Variants in SND1 observed in about 807,000 individuals in gnomAD.
The protein encoded by SND1 is staphylococcal nuclease domain-containing protein 1.
Under a neutral mutation model 121.7 loss-of-function variants are expected in SND1, and 38 were observed. The ratio of observed to expected loss-of-function variants is 0.31; its 90% CI spans 0.24 to 0.41. The LOEUF is 0.41. SND1 is among the 10% of genes least tolerant of loss of function. The probability of loss-of-function intolerance (pLI) is 1.00; values close to 1 mark genes in which losing one functional copy is unlikely to be tolerated. For synonymous variants in SND1, 401 were observed against 447.4 expected, an observed-to-expected ratio of 0.90 and a Z score of 1.31; for missense variants, 868 against 1,184.6, an observed-to-expected ratio of 0.73 and a Z score of 3.92.
At position 127,807,593 on chromosome 7, in the gene SND1, A is replaced by G. The variant is rs764984763; in HGVS notation, c.1242+20A>G. Reference sequence around the variant, plus strand: ...AAGAAGGTAAGTAATTGATGACAGAAGCATATTTGCAAGTGGTTGGGCTTA... The same window carrying G: ...AAGAAGGTAAGTAATTGATGACAGAGGCATATTTGCAAGTGGTTGGGCTTA... On this transcript the variant is annotated intron_variant, in intron 11 of 23. Coordinates refer to ENST00000354725, the MANE Select transcript of SND1 (RefSeq NM_014390.4). 23 of 1,592,344 alleles carry G rather than the reference A, an allele frequency of 1.4e-5. No homozygotes were observed. Among genetic ancestry groups the G allele is most frequent in the African/African-American group, 4.0e-5 (3 of 74,494 alleles).
chr7:127,952,184 G>A (rs151044949), intron 15 of SND1, among the ~76,000 whole-genome samples: 10 of 152,320 alleles, frequency 6.6e-5, no homozygotes, highest in South Asian at 2.1e-4. Flanking sequence ...TGTTGAATAA[G>A]TGGAAATTTC....
At chr7:127,889,582 C>G (rs1799972537) in intron 13 of SND1, among the ~76,000 whole-genome samples, 1 of 151,944 alleles carries the variant, frequency 6.6e-6, no homozygotes, top group Non-Finnish European at 1.5e-5. Context: ...TATAGTGACC[C>G]TGCTGTGTAA....
At chr7:127,831,156 T>C (rs1375969260) in intron 11 of SND1, among the ~76,000 whole-genome samples, 1 of 152,176 alleles carries the variant, frequency 6.6e-6, no homozygotes, top group African/African-American at 2.4e-5. Flanking sequence ...GAAGTCTGGG[T>C]TCCTTTTCTA....
At chr7:128,043,019 G>C (rs1792881877) in intron 16 of SND1, among the ~76,000 whole-genome samples, 1 of 152,130 alleles carries the variant, frequency 6.6e-6, no homozygotes, top group Admixed American at 6.5e-5. Context: ...ACTTTCTAAG[G>C]GCTCACGCAT....
chr7:127,985,554 G>A (rs370683823), intron 15 of SND1, among the ~76,000 whole-genome samples: 47 of 152,300 alleles, frequency 3.1e-4, no homozygotes, highest in African/African-American at 1.0e-3. Flanking sequence ...CACTGTGCCC[G>A]GCCATGTACT....
chr7:128,079,253 C>T (rs1310483055), intron 17 of SND1, among the ~76,000 whole-genome samples: 1 of 152,232 alleles, frequency 6.6e-6, no homozygotes, highest in Admixed American at 6.5e-5. Flanking sequence ...TCTCTCCTGG[C>T]CCTTTCACAG....
intron 16 of SND1, among the ~76,000 whole-genome samples, chr7:128,012,822 G>T (rs948784173): frequency 2.6e-5 from 4 of 152,116 alleles, no homozygotes; most frequent in African/African-American, 9.7e-5. Flanking sequence ...GGGGGGTTTT[G>T]TGATTTACAC....
At chr7:127,806,556 A>G (rs1798242598) in intron 10 of SND1, among the ~76,000 whole-genome samples, 1 of 152,208 alleles carries the variant, frequency 6.6e-6, no homozygotes, top group Non-Finnish European at 1.5e-5. Context: ...CTCATATTAA[A>G]TCTGACCTTG....
intron 4 of SND1, 92 bp from the exon 5 acceptor site, chr7:127,701,071 G>A (rs1231925078): frequency 7.4e-7 from 1 of 1,350,126 alleles, no homozygotes; most frequent in African/African-American, 1.5e-5. Context: ...TGTCTTCAAG[G>A]GGTGAAGATG....
intron 14 of SND1, among the ~76,000 whole-genome samples, chr7:127,923,401 AC>A (rs2116806529): frequency 6.6e-6 from 1 of 152,182 alleles, no homozygotes; most frequent in East Asian, 1.9e-4. Context: ...ACTGAAGTTT[AC>A]GCCCTCCCTG....
chr7:127,831,081 A>G (rs1040819230), intron 11 of SND1, among the ~76,000 whole-genome samples: 3 of 152,172 alleles, frequency 2.0e-5, no homozygotes, highest in Non-Finnish European at 4.4e-5. Flanking sequence ...ACAAAACTCC[A>G]TGGTTTTTAT....
chr7:127,834,412 G>C (rs1798827446), intron 11 of SND1, among the ~76,000 whole-genome samples: 1 of 152,188 alleles, frequency 6.6e-6, no homozygotes, highest in Admixed American at 6.5e-5. Flanking sequence ...CAAGGAGTTG[G>C]TTGTGTGCCT....
intron 12 of SND1, among the ~76,000 whole-genome samples, chr7:127,881,007 A>T (rs756318952): frequency 1.1e-4 from 17 of 152,128 alleles, no homozygotes; most frequent in Non-Finnish European, 1.6e-4. Context: ...CCACTGCAGT[A>T]TAATAGAGAG....
chr7:127,847,229 G>A (rs1244483702), intron 12 of SND1, among the ~76,000 whole-genome samples: 1 of 152,122 alleles, frequency 6.6e-6, no homozygotes, highest in East Asian at 1.9e-4. Context: ...CCGAGATCAT[G>A]CCACTGCACT....
At chr7:128,033,698 T>A (rs1792694535) in intron 16 of SND1, among the ~76,000 whole-genome samples, 1 of 152,264 alleles carries the variant, frequency 6.6e-6, no homozygotes, top group African/African-American at 2.4e-5. Flanking sequence ...TGTTAGTTTC[T>A]GTTTATTGAA....
At chr7:127,935,712 C>T (rs1006506663) in intron 15 of SND1, among the ~76,000 whole-genome samples, 4 of 152,192 alleles carry the variant, frequency 2.6e-5, no homozygotes, top group Non-Finnish European at 5.9e-5. Context: ...GCCTGGGCAG[C>T]GATTGTCCTG....
intron 9 of SND1, among the ~76,000 whole-genome samples, chr7:127,709,134 C>G (rs1194220012): frequency 6.6e-6 from 1 of 152,154 alleles, no homozygotes; most frequent in Non-Finnish European, 1.5e-5. Flanking sequence ...GTTGGGATAT[C>G]CTGGCATCCT....
At chr7:128,039,095 T>A (rs1172865006) in intron 16 of SND1, among the ~76,000 whole-genome samples, 1 of 152,214 alleles carries the variant, frequency 6.6e-6, no homozygotes, top group Non-Finnish European at 1.5e-5. Context: ...TTTCTTTTCC[T>A]GGAATACTCT....
intron 16 of SND1, among the ~76,000 whole-genome samples, chr7:127,996,204 A>G (rs1222004941): frequency 1.3e-5 from 2 of 152,038 alleles, no homozygotes. Context: ...AAAAAAAAGT[A>G]TTTACGTTTC....
Sources: gnomAD v4.1 joint callset for allele counts (sites outside exome capture counted in the v4.1 genomes callset) on GRCh38, gnomAD v4.1.1 for gene constraint, MANE v1.5 for transcripts, NCBI Gene and HGNC (gene_info 2026-07-23, HGNC 2026-07-21) for gene names.